HS1BP3: variants seen among roughly 807,000 people sequenced by gnomAD.
HS1BP3 encodes HCLS1-binding protein 3.
In HS1BP3, 32 loss-of-function variants were observed where a neutral mutation model predicts 33.5. The observed-to-expected ratio is 0.95, with a 90% CI of 0.72 to 1.28. HS1BP3 has a LOEUF of 1.28. HS1BP3 is among the 50% of genes most tolerant of loss of function. HS1BP3 has a pLI of 0.00. For synonymous variants in HS1BP3, 187 were observed against 209.2 expected, an observed-to-expected ratio of 0.89 and a Z score of 0.92; for missense variants, 486 against 502.3, an observed-to-expected ratio of 0.97 and a Z score of 0.31.
intron 6 of HS1BP3, chr2:20,623,580 T>C (rs975297630): frequency 9.0e-6 from 2 of 221,548 alleles, no homozygotes; most frequent in Non-Finnish European, 1.7e-5. Flanking sequence ...ATGCCAGTTA[T>C]ACCTGCTCTT....
intron 4 of HS1BP3, among the ~76,000 whole-genome samples, chr2:20,629,976 T>G (rs901691368): frequency 6.6e-6 from 1 of 152,192 alleles, no homozygotes; most frequent in Non-Finnish European, 1.5e-5. Flanking sequence ...CATTCCCAGA[T>G]GTGCCCACCC....
chr2:20,584,319 T>C (rs1460241373), intron 5 of HS1BP3, among the ~76,000 whole-genome samples: 2 of 152,178 alleles, frequency 1.3e-5, no homozygotes, highest in African/African-American at 4.8e-5. Context: ...CATCTCTTCC[T>C]CCCACTGCTC....
intron 1 of HS1BP3, among the ~76,000 whole-genome samples, chr2:20,648,459 G>A (rs1695584286): frequency 6.6e-6 from 1 of 152,162 alleles, no homozygotes; most frequent in African/African-American, 2.4e-5. Context: ...AGCAGCAGTG[G>A]GCACAGTCAG....
downstream of HS1BP3, among the ~76,000 whole-genome samples, chr2:20,556,714 C>G (rs1190080355): frequency 6.6e-6 from 1 of 152,214 alleles, no homozygotes; most frequent in Non-Finnish European, 1.5e-5. Flanking sequence ...CACACGCCAT[C>G]AGCTTCTCAA....
chr2:20,628,672 G>A (rs1319611765), intron 4 of HS1BP3, among the ~76,000 whole-genome samples: 1 of 152,128 alleles, frequency 6.6e-6, no homozygotes, highest in South Asian at 2.1e-4. Context: ...AGCACACAGG[G>A]TGTTCCGCTC....
intron 2 of HS1BP3, among the ~76,000 whole-genome samples, chr2:20,610,604 C>A (rs1281960930): frequency 6.6e-6 from 1 of 152,224 alleles, no homozygotes; most frequent in Non-Finnish European, 1.5e-5. Context: ...GGATATACTG[C>A]AGTCTGTTTA....
chr2:20,583,136 G>A (rs1693574992), intron 5 of HS1BP3, among the ~76,000 whole-genome samples: 1 of 152,220 alleles, frequency 6.6e-6, no homozygotes, highest in South Asian at 2.1e-4. Flanking sequence ...ATGCACTGTG[G>A]TCCCTCACTT....
intron 5 of HS1BP3, among the ~76,000 whole-genome samples, chr2:20,577,756 C>A (rs149098904): frequency 6.6e-6 from 1 of 152,308 alleles, no homozygotes. Context: ...CAGGCTAGGT[C>A]GCATTCTTGG....
intron 4 of HS1BP3, among the ~76,000 whole-genome samples, chr2:20,626,202 G>T (rs1165163931): frequency 2.6e-5 from 4 of 152,200 alleles, no homozygotes; most frequent in African/African-American, 7.2e-5. Flanking sequence ...GCAGGTCCCC[G>T]CAAGGTGACC....
intron 4 of HS1BP3, chr2:20,636,891 CA>C (rs1695147990): frequency 6.6e-6 from 1 of 152,216 alleles, no homozygotes; most frequent in Non-Finnish European, 1.5e-5. Flanking sequence ...GTTGATTCAT[CA>C]GCACCTTGTC....
At chr2:20,555,885 C>T (rs994413225), downstream of HS1BP3, among the ~76,000 whole-genome samples, 9 of 152,200 alleles carry the variant, frequency 5.9e-5, no homozygotes, top group African/African-American at 2.2e-4. Flanking sequence ...CTCCCCTTCC[C>T]CACTTCACCT....
At chr2:20,598,645 G>C (rs892653021) in intron 2 of HS1BP3, among the ~76,000 whole-genome samples, 1 of 128,060 alleles carries the variant, frequency 7.8e-6, no homozygotes, top group Admixed American at 9.8e-5. Flanking sequence ...TGCAAGCTCC[G>C]CCTCCCGGGT....
intron 5 of HS1BP3, among the ~76,000 whole-genome samples, chr2:20,576,294 T>C (rs1204909161): frequency 6.6e-6 from 1 of 152,206 alleles, no homozygotes; most frequent in Non-Finnish European, 1.5e-5. Context: ...GTGAGGTTTC[T>C]TTCTGCTCAA....
chr2:20,558,083 C>G (rs1319345548), downstream of HS1BP3, among the ~76,000 whole-genome samples: 1 of 152,276 alleles, frequency 6.6e-6, no homozygotes, highest in Non-Finnish European at 1.5e-5. Flanking sequence ...ACATTGTTCA[C>G]TGCGTCTGTA....
intron 2 of HS1BP3, among the ~76,000 whole-genome samples, chr2:20,604,402 G>T (rs115011865): frequency 6.6e-6 from 1 of 152,170 alleles, no homozygotes; most frequent in South Asian, 2.1e-4. Flanking sequence ...GTTCTCTGTC[G>T]TGAGATTACA....
intron 5 of HS1BP3, among the ~76,000 whole-genome samples, chr2:20,571,878 G>A (rs567374937): frequency 6.6e-6 from 1 of 152,350 alleles, no homozygotes; most frequent in East Asian, 1.9e-4. Flanking sequence ...CCACTCAGGT[G>A]ACATGGTCCT....
chr2:20,619,583 A>G lies in HS1BP3; in HGVS notation c.921-338T>C, dbSNP rs181315649. On this transcript the variant is annotated intron_variant, in intron 6 of 6. Coordinates refer to ENST00000304031, the MANE Select transcript of HS1BP3 (RefSeq NM_022460.4). ...GGCTTTCCCTCCAATCCCTTCAGAA[A>G]TAACCACCAGCTACTATGTACAGAG... 2.4e-3 allele frequency among the ~76,000 whole-genome samples: 365 copies of G among 152,320 alleles called. 5 individuals carry two copies. The highest frequency in any genetic ancestry group is 3.4e-4 in the Non-Finnish European group (23 of 68,026).
In HS1BP3 at chr2:20,651,051, C is replaced by T. The variant is rs1695681735; in HGVS notation, c.13G>A (p.Ala5Thr). 8.1e-6 allele frequency: 10 copies of T among 1,238,746 alleles called. No homozygotes were observed. In the East Asian group the frequency reaches 3.1e-4, roughly 38 times the overall value. 76.7% of individuals were successfully genotyped at this position (1,238,746 alleles called of 1,614,324 possible). A position where few individuals can be genotyped will look rare whatever the true frequency, so the allele number is the denominator to read the frequency against. Residue 5 changes from alanine to threonine, a missense_variant, in exon 1 of 7, where the codon GCG becomes ACG. Physicochemically the swap from Ala to Thr is moderately conservative, Grantham distance 58. Transcript: ENST00000304031. ...GCTCACCTGGAGGTGACGAGCACCG[C>T]CGGGGACTGCATGACGGCGGCGGGG... Reference protein sequence around the residue: MQSPAVLVTSRRLQN... With the variant: MQSPTVLVTSRRLQN...
intron 5 of HS1BP3, among the ~76,000 whole-genome samples, chr2:20,579,262 G>T (rs1010224635): frequency 6.6e-6 from 1 of 152,232 alleles, no homozygotes; most frequent in African/African-American, 2.4e-5. Context: ...CTGGCTGAGG[G>T]TTGGCGGCAG....
Sources: allele counts gnomAD v4.1 joint callset (sites outside exome capture counted in the v4.1 genomes callset), GRCh38; gene constraint gnomAD v4.1.1; transcripts MANE v1.5; gene names NCBI Gene and HGNC (gene_info 2026-07-23, HGNC 2026-07-21).